USP36: variants seen among roughly 807,000 people sequenced by gnomAD.
USP36 encodes ubiquitin carboxyl-terminal hydrolase 36.
USP36 carries 59 observed loss-of-function variants against 111.5 expected under a neutral mutation model. The ratio of observed to expected loss-of-function variants is 0.53; its 90% CI spans 0.43 to 0.66. The LOEUF is 0.66. Among genes scored for constraint, USP36 ranks in the 30% least tolerant of loss-of-function variants. The probability of loss-of-function intolerance (pLI) is 0.00; values close to 1 mark genes in which losing one functional copy is unlikely to be tolerated. For synonymous variants in USP36, 628 were observed against 581.0 expected (o/e 1.08, Z -1.16); for missense variants, 1,488 against 1,468.0 (o/e 1.01, Z -0.22).
chr17:78,811,752 C>T (rs2094062202), intron 13 of USP36, among the ~76,000 whole-genome samples: 1 of 152,114 alleles, frequency 6.6e-6, no homozygotes, highest in Admixed American at 6.6e-5. Context: ...CCTGTAGTCC[C>T]AGCTACTCGG....
chr17:78,820,709 C>A (rs529855474), intron 8 of USP36, among the ~76,000 whole-genome samples: 9 of 152,306 alleles, frequency 5.9e-5, no homozygotes, highest in African/African-American at 2.2e-4. Context: ...CCAGAGCACA[C>A]AACAGACTCT....
Position 78,807,570 on chromosome 17 carries a change from T to C in USP36, c.1474A>G (p.Asn492Asp). The C allele has an allele frequency of 6.2e-7, 1 of 1,605,706 alleles. No homozygotes were observed. Among genetic ancestry groups the C allele is most frequent in the South Asian group, 1.1e-5 (1 of 89,860 alleles). Residue 492 changes from asparagine to aspartate, a missense_variant, in exon 14 of 21, where the codon AAT (asparagine) becomes GAT (aspartate). Physicochemically the swap from Asn to Asp is conservative, Grantham distance 23 (BLOSUM62 1). Coordinates refer to ENST00000449938, the MANE Select transcript of USP36 (RefSeq NM_001385174.1). ...TEEIGVPISR[N>D]GSTLGLKSQN... ...GACTTCAGGCCCAGGGTGGAGCCATTCCTGGATATGGGCACACCAATCTCT... is the reference window on the plus strand; with the variant it reads ...GACTTCAGGCCCAGGGTGGAGCCATCCCTGGATATGGGCACACCAATCTCT...
intron 4 of USP36, among the ~76,000 whole-genome samples, chr17:78,835,014 T>TATAC (rs1379564779): frequency 1.3e-5 from 2 of 150,292 alleles, no homozygotes; most frequent in Non-Finnish European, 3.0e-5. Context: ...TATATATATA[T>TATAC]ATATTTTGGA....
chr17:78,795,375 GC>G (rs2093614729), downstream of USP36, among the ~76,000 whole-genome samples: 1 of 152,230 alleles, frequency 6.6e-6, no homozygotes, highest in African/African-American at 2.4e-5. This position sits in a 1 kb window ranked among gnomAD's most constrained non-coding sequence, Gnocchi z 4.5. Context: ...AAAGGGAGAT[GC>G]GGGGAGCCAC....
rs753237355 is a variant in USP36 at position 78,798,309 on chromosome 17, T to A, written c.*20+91A>T. 364 of 1,514,106 alleles carry A rather than the reference T, an allele frequency of 2.4e-4. No individual in the cohort carries two copies. Among genetic ancestry groups the A allele is most frequent in the Non-Finnish European group, 3.1e-4 (347 of 1,124,078 alleles). 93.8% of individuals were successfully genotyped at this position (1,514,106 alleles called of 1,614,324 possible). A position where few individuals can be genotyped will look rare whatever the true frequency, so the allele number is the denominator to read the frequency against. On this transcript the variant is annotated intron_variant, in intron 20 of 20. Coordinates refer to ENST00000449938, the MANE Select transcript of USP36 (RefSeq NM_001385174.1). This position sits in a 1 kb window ranked among gnomAD's most constrained non-coding sequence, Gnocchi z 5.1. ...CCAGATACACAGCCCACATACATCA[T>A]ACACACACGCCACACCCCACCACAC...
At chr17:78,787,891 T>G (rs529152475) in intron 3 of USP36, among the ~76,000 whole-genome samples, 1 of 152,256 alleles carries the variant, frequency 6.6e-6, no homozygotes, top group East Asian at 1.9e-4. Flanking sequence ...AGAGGGAGAT[T>G]TGGACACAGA....
At chr17:78,834,029 C>A (rs960707902) in intron 4 of USP36, among the ~76,000 whole-genome samples, 4 of 152,080 alleles carry the variant, frequency 2.6e-5, no homozygotes, top group African/African-American at 9.7e-5. Context: ...GTTGGATCAC[C>A]TGAGGTCACG....
At position 78,807,325 on chromosome 17, in the gene USP36, G is replaced by A. The variant is rs574805840; in HGVS notation, c.1719C>T (p.Asp573=). 6.2e-7 allele frequency: 1 copy of A among 1,614,216 alleles called. No homozygotes were observed. The highest frequency in any genetic ancestry group is 1.1e-5 in the South Asian group (1 of 91,082). ...RSGSQRQGSW[D]SRDVVLSTSP... The stretch of plus-strand genomic sequence containing the variant: ...AGGTAGAGAGGACAACATCCCTGCT[G>A]TCCCAGGAGCCCTGCCTTTGGCTCC... Residue 573 remains aspartate (D), a synonymous_variant, in exon 14 of 21, where the codon GAC becomes GAT. Coordinates refer to ENST00000449938, the MANE Select transcript of USP36 (RefSeq NM_001385174.1).
intron 8 of USP36, 111 bp downstream of exon 8, chr17:78,820,880 A>G: frequency 8.7e-7 from 1 of 1,152,236 alleles, no homozygotes; most frequent in African/African-American, 1.5e-5. Context: ...GGAGCAAAGG[A>G]GTTTTCTCCC....
intron 14 of USP36, among the ~76,000 whole-genome samples, chr17:78,806,580 C>T (rs942153476): frequency 1.1e-4 from 17 of 152,220 alleles, no homozygotes; most frequent in Non-Finnish European, 2.1e-4. Context: ...GCAGAGGTGC[C>T]GGGCACCCCA....
In USP36 at chr17:78,834,863, C is replaced by G. The variant is rs572120987; in HGVS notation, c.475+417G>C. Among the ~76,000 whole-genome samples, 11 of 152,096 alleles carry G rather than the reference C, an allele frequency of 7.2e-5. 1 individual carries two copies. Among genetic ancestry groups the G allele is most frequent in the African/African-American group, 2.2e-4 (9 of 41,446 alleles). ...AGGCATGGTGGCTCACACTTATAAT[C>G]CCAGCACTTTGGGAGGCTGAGATGG... On this transcript the variant is annotated intron_variant, in intron 4 of 20. Transcript: ENST00000449938.
chr17:78,802,305 C>G lies in USP36; in HGVS notation c.3022+19G>C. 1.3e-6 allele frequency: 2 copies of G among 1,549,890 alleles called. No individual in the cohort carries two copies. Among genetic ancestry groups the G allele is most frequent in the Non-Finnish European group, 8.7e-7 (1 of 1,148,238 alleles). Reference sequence around the variant, plus strand: ...CGGTGCACACCCATGCGGTTCCCACCCCCTCGCCCGGTGCATACCCATGCG... The same window carrying G: ...CGGTGCACACCCATGCGGTTCCCACGCCCTCGCCCGGTGCATACCCATGCG... On this transcript the variant is annotated intron_variant, in intron 17 of 20. Coordinates refer to ENST00000449938, the MANE Select transcript of USP36 (RefSeq NM_001385174.1).
chr17:78,835,489 G>A lies in USP36; in HGVS notation c.266C>T (p.Thr89Met), dbSNP rs769902666. Residue 89 changes from threonine (T) to methionine (M), a missense_variant, in exon 4 of 21, where the codon ACG (threonine) becomes ATG (methionine). By Grantham distance (81) the Thr-to-Met change is moderately conservative. Coordinates refer to ENST00000449938, the MANE Select transcript of USP36 (RefSeq NM_001385174.1). ...GACTCCGTCACCACAGCTCTCATAC[G>A]TGTGCTCACTGCCTGAGGAAGAAAG... The part of the protein sequence containing the change: ...PPARRQGSEH[T>M]YESCGDGVPA... 8 of 1,603,136 alleles carry A rather than the reference G, an allele frequency of 5.0e-6. No individual in the cohort carries two copies. The highest frequency in any genetic ancestry group is 4.5e-5 in the East Asian group (2 of 44,474).
chr17:78,794,196 G>A (rs2093604957), downstream of USP36, among the ~76,000 whole-genome samples: 1 of 152,176 alleles, frequency 6.6e-6, no homozygotes, highest in East Asian at 1.9e-4. Flanking sequence ...AGCCAACCTG[G>A]CGGCTGGTCA....
intron 7 of USP36, 79 bp from the exon 8 acceptor site, chr17:78,821,140 G>C: frequency 3.6e-6 from 5 of 1,401,798 alleles, no homozygotes; most frequent in Non-Finnish European, 4.9e-6. Flanking sequence ...ACCCAGCAGG[G>C]AGGCAGACTC....
chr17:78,829,558 C>A (rs748484424), intron 4 of USP36, among the ~76,000 whole-genome samples: 5 of 152,162 alleles, frequency 3.3e-5, no homozygotes, highest in Non-Finnish European at 5.9e-5. Flanking sequence ...CCTTTCCTAT[C>A]TGAGGGCTAT....
chr17:78,805,413 G>GCGAC (rs1179352031), intron 15 of USP36, among the ~76,000 whole-genome samples: 5 of 152,174 alleles, frequency 3.3e-5, no homozygotes, highest in Non-Finnish European at 7.3e-5. Flanking sequence ...GAGGCTGTGG[G>GCGAC]CGACGCACAG....
downstream of USP36, among the ~76,000 whole-genome samples, chr17:78,794,874 A>G (rs1443593873): frequency 1.3e-5 from 2 of 151,786 alleles, no homozygotes; most frequent in African/African-American, 2.4e-5. Flanking sequence ...AGGCGTGGTG[A>G]TGCGTGCCTG....
chr17:78,819,997 C>A lies in USP36; in HGVS notation c.844G>T (p.Val282Leu). The A allele has an allele frequency of 6.2e-7, 1 of 1,614,112 alleles. No individual in the cohort carries two copies. Among genetic ancestry groups the A allele is most frequent in the Non-Finnish European group, 8.5e-7 (1 of 1,179,978 alleles). Reference sequence around the variant, plus strand: ...TTCACAAAAAGTTCCAGAGCACGCACAATATTCGCAGCTTGCTGAGGAGGA... The same window carrying A: ...TTCACAAAAAGTTCCAGAGCACGCAAAATATTCGCAGCTTGCTGAGGAGGA... ...ALEIRQAANI[V>L]RALELFVKAD... The change falls in exon 9 of 21, where the codon GTG (valine) becomes TTG (leucine). Residue 282 changes from valine to leucine, a missense_variant. Val to Leu is a conservative substitution (Grantham distance 32). Coordinates refer to ENST00000449938, the MANE Select transcript of USP36 (RefSeq NM_001385174.1).
Sources: allele counts gnomAD v4.1 joint callset (sites outside exome capture counted in the v4.1 genomes callset), GRCh38; gene constraint gnomAD v4.1.1; non-coding constraint Gnocchi (gnomAD v3.1); transcripts MANE v1.5; gene names NCBI Gene and HGNC (gene_info 2026-07-23, HGNC 2026-07-21).